Variants in CTNNA3 observed in about 807,000 individuals in gnomAD.
CTNNA3 encodes the protein catenin alpha-3.
Under a neutral mutation model 95.7 loss-of-function variants are expected in CTNNA3, and 76 were observed. The observed-to-expected ratio is 0.79, with a 90% CI of 0.66 to 0.96. The LOEUF (loss-of-function observed/expected upper bound fraction) is 0.96. Among genes scored for constraint, CTNNA3 ranks in the 40% least tolerant of loss-of-function variants. The probability of loss-of-function intolerance (pLI) is 0.00; values close to 1 mark genes in which losing one functional copy is unlikely to be tolerated. For missense variants in CTNNA3, 1,191 were observed against 1,089.8 expected (o/e 1.09, Z -1.31); for synonymous variants, 431 against 374.4 (o/e 1.15, Z -1.74).
chr10:66,214,711 G>T (rs2088400710), intron 13 of CTNNA3, among the ~76,000 whole-genome samples: 1 of 152,028 alleles, frequency 6.6e-6, no homozygotes, highest in African/African-American at 2.4e-5. Context: ...TCTTCCTTCT[G>T]GTTTCGTAAA....
chr10:66,404,690 T>A (rs2093044124), intron 11 of CTNNA3, among the ~76,000 whole-genome samples: 1 of 152,172 alleles, frequency 6.6e-6, no homozygotes, highest in Admixed American at 6.5e-5. Flanking sequence ...TTCTCCAACC[T>A]GCAGCCCTGT....
At chr10:67,392,236 G>C (rs1226888026) in intron 5 of CTNNA3, among the ~76,000 whole-genome samples, 1 of 152,164 alleles carries the variant, frequency 6.6e-6, no homozygotes, top group Non-Finnish European at 1.5e-5. Flanking sequence ...CCATCAAAAA[G>C]TGGGCAAAGG....
rs1213475941 is a variant in CTNNA3, at chr10:67,099,210, T to C, written c.1047+81107A>G. ...ATTATAAAGTTCATTCAAATCAAAT[T>C]AAGAAAACCTGAGTCTTTAGAAGCT... On this transcript the variant is annotated intron_variant, in intron 7 of 17. Coordinates refer to ENST00000433211, the MANE Select transcript of CTNNA3 (RefSeq NM_013266.4). 5.9e-5 allele frequency: 9 copies of C among 151,920 alleles called. No homozygotes were observed. The East Asian group carries it at 1.7e-3, about 29-fold the overall frequency. The allele number at this position is 151,920 out of a possible 1,614,324, so 9.4% of individuals were successfully genotyped here. A position where few individuals can be genotyped will look rare whatever the true frequency, so the allele number is the denominator to read the frequency against.
chr10:67,124,664 T>C (rs1466362707), intron 7 of CTNNA3, among the ~76,000 whole-genome samples: 3 of 152,192 alleles, frequency 2.0e-5, no homozygotes, highest in African/African-American at 7.2e-5. Context: ...TATTACATAT[T>C]TTTACAGGTA....
intron 5 of CTNNA3, among the ~76,000 whole-genome samples, chr10:67,322,127 C>G (rs148261766): frequency 6.6e-6 from 1 of 150,810 alleles, no homozygotes. Flanking sequence ...AAAAAAAAGA[C>G]CTTTTATAAA....
intron 5 of CTNNA3, among the ~76,000 whole-genome samples, chr10:67,340,894 C>T (rs1256177268): frequency 6.6e-6 from 1 of 152,064 alleles, no homozygotes; most frequent in Non-Finnish European, 1.5e-5. Flanking sequence ...CTGAATAGTA[C>T]ATTTTTTTCA....
rs559420716 is a variant in CTNNA3 at position 66,279,644 on chromosome 10, G to A, written c.1884+826C>T. 5.0e-4 allele frequency among the ~76,000 whole-genome samples: 76 copies of A among 152,052 alleles called. 3 individuals carry two copies. In the South Asian group the frequency reaches 0.016, roughly 31 times the overall value. On this transcript the variant is annotated intron_variant, in intron 13 of 17. Coordinates refer to ENST00000433211, the MANE Select transcript of CTNNA3 (RefSeq NM_013266.4). Reference sequence around the variant, plus strand: ...CAGGATCAAGCCCCAAGCCCCAGTTGCCTGCAGTGACCCATAATTACACCT... The same window carrying A: ...CAGGATCAAGCCCCAAGCCCCAGTTACCTGCAGTGACCCATAATTACACCT...
chr10:66,347,063 A>T (rs1039734439), intron 12 of CTNNA3, among the ~76,000 whole-genome samples: 9 of 152,138 alleles, frequency 5.9e-5, no homozygotes, highest in Non-Finnish European at 1.2e-4. Flanking sequence ...GAGTGATCTA[A>T]TATAGTATTT....
At chr10:66,391,230 C>G (rs1024644988) in intron 11 of CTNNA3, among the ~76,000 whole-genome samples, 10 of 151,946 alleles carry the variant, frequency 6.6e-5, no homozygotes, top group Non-Finnish European at 1.5e-4. Context: ...TCCAATATTG[C>G]TATTTACAAG....
Position 65,915,766 on chromosome 10 carries a change from TA to T in CTNNA3, c.*4563del, listed in dbSNP as rs948626706. 6.6e-6 allele frequency: 1 copy of T among 152,190 alleles called. No individual in the cohort carries two copies. Among genetic ancestry groups the T allele is most frequent in the Non-Finnish European group, 1.5e-5 (1 of 68,020 alleles). 9.4% of individuals were successfully genotyped at this position (152,190 alleles called of 1,614,324 possible). A position where few individuals can be genotyped will look rare whatever the true frequency, so the allele number is the denominator to read the frequency against. ...CAGAAATGGATTCTATCTTGTCTGT[TA>T]GGGGGAAAATATTCACATGCAAGAA... On this transcript the variant is annotated 3_prime_UTR_variant, in exon 18 of 18. Transcript: ENST00000433211.
chr10:66,229,041 C>T (rs754617631), intron 13 of CTNNA3, among the ~76,000 whole-genome samples: 1 of 152,046 alleles, frequency 6.6e-6, no homozygotes. Context: ...GTAAAGTGAG[C>T]TTCTTGTATG....
At chr10:66,646,555 T>C (rs1440923909) in intron 9 of CTNNA3, among the ~76,000 whole-genome samples, 1 of 152,146 alleles carries the variant, frequency 6.6e-6, no homozygotes, top group Admixed American at 6.5e-5. Context: ...TAAAACCACA[T>C]ACTTTTAAAG....
intron 11 of CTNNA3, among the ~76,000 whole-genome samples, chr10:66,420,825 A>AT (rs899232970): frequency 1.7e-4 from 18 of 107,344 alleles, no homozygotes; most frequent in African/African-American, 7.1e-4. Flanking sequence ...AAATAAATAA[A>AT]TAAATAAATA....
chr10:67,181,035 C>T lies in CTNNA3; in HGVS notation c.844-515G>A, dbSNP rs573456671. On this transcript the variant is annotated intron_variant, in intron 6 of 17. Transcript: ENST00000433211. ...ACATTTCAGCTGATGATGAGTGAGG[C>T]TGAAAGGCTGTCTTACCCAAGGTCA... 2.0e-5 allele frequency among the ~76,000 whole-genome samples: 3 copies of T among 152,208 alleles called. No individual in the cohort carries two copies. In the East Asian group the frequency reaches 5.8e-4, roughly 29 times the overall value.
intron 17 of CTNNA3, among the ~76,000 whole-genome samples, chr10:65,959,322 C>G (rs1161874140): frequency 6.6e-6 from 1 of 152,160 alleles, no homozygotes; most frequent in East Asian, 1.9e-4. Flanking sequence ...AAGGGAATTC[C>G]CCGACCCCTT....
At chr10:66,015,351 T>G (rs1483540529) in intron 15 of CTNNA3, among the ~76,000 whole-genome samples, 1 of 152,088 alleles carries the variant, frequency 6.6e-6, no homozygotes, top group Non-Finnish European at 1.5e-5. Flanking sequence ...AGGGATATAT[T>G]CAGAATATTG....
intron 13 of CTNNA3, among the ~76,000 whole-genome samples, chr10:66,151,125 G>T (rs1044525463): frequency 1.3e-5 from 2 of 151,896 alleles, no homozygotes; most frequent in Non-Finnish European, 2.9e-5. Flanking sequence ...TCAAGAGTTG[G>T]TAATATAATA....
intron 15 of CTNNA3, among the ~76,000 whole-genome samples, chr10:66,057,286 T>A (rs1017831628): frequency 1.4e-4 from 21 of 152,244 alleles, no homozygotes; most frequent in Non-Finnish European, 2.9e-4. Context: ...CTATAACACC[T>A]AAAATCTCTG....
chr10:66,256,155 T>A (rs1589866961), intron 13 of CTNNA3, among the ~76,000 whole-genome samples: 1 of 152,316 alleles, frequency 6.6e-6, no homozygotes, highest in East Asian at 1.9e-4. Flanking sequence ...GAAAACCTGT[T>A]AATTTTTCTA....
Sources: allele counts gnomAD v4.1 joint callset (sites outside exome capture counted in the v4.1 genomes callset), GRCh38; gene constraint gnomAD v4.1.1; transcripts MANE v1.5; gene names NCBI Gene and HGNC (gene_info 2026-07-23, HGNC 2026-07-21).